CHM: variants seen among roughly 807,000 people sequenced by gnomAD.
The protein encoded by CHM is rab proteins geranylgeranyltransferase component A 1.
In CHM, 10 loss-of-function variants were observed where a neutral mutation model predicts 49.0. The observed-to-expected ratio is 0.20, with a 90% confidence interval of 0.13 to 0.35. CHM has a LOEUF of 0.35. Among genes scored for constraint, CHM ranks in the 10% least tolerant of loss-of-function variants. The probability of loss-of-function intolerance (pLI) is 1.00; values close to 1 mark genes in which losing one functional copy is unlikely to be tolerated. For missense variants in CHM, 455 were observed against 478.4 expected, an observed-to-expected ratio of 0.95 and a Z score of 0.46; for synonymous variants, 184 against 167.5, an observed-to-expected ratio of 1.10 and a Z score of -0.76.
chrX:85,931,530 GT>G lies in CHM; in HGVS notation c.1167-20193del, dbSNP rs1200808138. On this transcript the variant is annotated intron_variant, in intron 8 of 14. Coordinates refer to ENST00000357749, the MANE Select transcript of CHM (RefSeq NM_000390.4). Reference sequence around the variant, plus strand: ...ACATAAGGAAACACACATATCAGTTGTCAATAAGCCAAATTCCACCTAACAA... The same window carrying G: ...ACATAAGGAAACACACATATCAGTTGCAATAAGCCAAATTCCACCTAACAA... 1.4e-4 allele frequency among the ~76,000 whole-genome samples: 16 copies of G among 111,614 alleles called. No homozygotes were observed. In the East Asian group the frequency reaches 4.5e-3, roughly 31 times the overall value.
chrX:85,964,212 T>C (rs1241817265), intron 4 of CHM, among the ~76,000 whole-genome samples, 160 bp from the exon 5 acceptor site: 1 of 111,473 alleles, frequency 9.0e-6, no homozygotes, highest in African/African-American at 3.3e-5. Context: ...TTGAAAGATA[T>C]AAAGATTTCA....
At chrX:85,978,731 T>C in intron 4 of CHM, 36 bp downstream of exon 4, 1 of 1,163,822 alleles carries the variant, frequency 8.6e-7, no homozygotes, top group East Asian at 3.1e-5. Context: ...GAAAAAGTCA[T>C]TAATTTAGTT....
At chrX:85,874,555 T>A (rs976305154) in intron 13 of CHM, among the ~76,000 whole-genome samples, 1 of 111,514 alleles carries the variant, frequency 9.0e-6, no homozygotes, top group African/African-American at 3.3e-5. Flanking sequence ...AACAGGATTT[T>A]ATTATATTTA....
chrX:85,976,581 A>T (rs753385137), intron 4 of CHM, among the ~76,000 whole-genome samples: 1 of 108,809 alleles, frequency 9.2e-6, no homozygotes, highest in East Asian at 2.9e-4. Flanking sequence ...GAGACCACGC[A>T]CCACTGCACT....
intron 8 of CHM, among the ~76,000 whole-genome samples, chrX:85,933,437 CAG>C (rs1384224239): frequency 9.0e-6 from 1 of 111,193 alleles, no homozygotes; most frequent in Non-Finnish European, 1.9e-5. Context: ...AATTGTAAAA[CAG>C]AGAGGTTAAA....
rs187540214 is a variant in CHM, at chrX:85,880,262, A to T, written c.1511-1199T>A. 1.4e-4 allele frequency among the ~76,000 whole-genome samples: 16 copies of T among 111,633 alleles called. No individual in the cohort carries two copies. In the Admixed American group the frequency reaches 1.5e-3, roughly 11 times the overall value. On this transcript the variant is annotated intron_variant, in intron 12 of 14. Transcript: ENST00000357749. ...CTCATTGGTTCTGGGATACTGTAGG[A>T]TGTATGGTACTAATTATTTCCAAAG...
chrX:85,886,793 G>A (rs1225587141), intron 12 of CHM, among the ~76,000 whole-genome samples: 1 of 108,384 alleles, frequency 9.2e-6, no homozygotes, highest in Non-Finnish European at 1.9e-5. Flanking sequence ...GAATGTCTAT[G>A]AACAGGCCAA....
chrX:85,870,407 G>T (rs963365276), intron 14 of CHM, among the ~76,000 whole-genome samples: 10 of 111,938 alleles, frequency 8.9e-5, no homozygotes, highest in African/African-American at 2.9e-4. Context: ...TTAATAATGG[G>T]CTGTATATCA....
chrX:85,887,436 T>C (rs1318336507), intron 12 of CHM, among the ~76,000 whole-genome samples: 1 of 111,945 alleles, frequency 8.9e-6, no homozygotes, highest in Non-Finnish European at 1.9e-5. Context: ...AAGTCCATTA[T>C]AAACCTCTTT....
chrX:85,871,281 T>C (rs1924046277), intron 14 of CHM, among the ~76,000 whole-genome samples: 1 of 73,924 alleles, frequency 1.4e-5, no homozygotes, highest in Non-Finnish European at 2.3e-5. Flanking sequence ...CACTCCAGCC[T>C]GGGTGACAGA....
chrX:85,913,331 A>AAAAAG (rs1380909257), intron 8 of CHM, among the ~76,000 whole-genome samples: 1 of 80,954 alleles, frequency 1.2e-5, no homozygotes, highest in South Asian at 5.8e-4. Flanking sequence ...AAAAAAAAAA[A>AAAAAG]AAAAGAAAGA....
intron 2 of CHM, among the ~76,000 whole-genome samples, chrX:86,004,504 T>G (rs1325040957): frequency 9.0e-6 from 1 of 111,488 alleles, no homozygotes; most frequent in African/African-American, 3.3e-5. Context: ...GTGTGCTGTA[T>G]TCAGAAGACC....
At chrX:85,961,803 T>C (rs1458528083) in intron 5 of CHM, among the ~76,000 whole-genome samples, 1 of 111,374 alleles carries the variant, frequency 9.0e-6, no homozygotes, top group African/African-American at 3.3e-5. Context: ...GTTTGGTTTT[T>C]ACTTACCATA....
chrX:86,028,284 A>G (rs1933918139), intron 1 of CHM, among the ~76,000 whole-genome samples: 1 of 111,564 alleles, frequency 9.0e-6, no homozygotes, highest in Non-Finnish European at 1.9e-5. Context: ...AAAAAGAACC[A>G]GGACATGAAT....
intron 13 of CHM, among the ~76,000 whole-genome samples, chrX:85,875,621 T>C (rs1471570021): frequency 8.9e-6 from 1 of 111,843 alleles, no homozygotes; most frequent in East Asian, 2.8e-4. Context: ...TGACTGAGTC[T>C]GGATACAGCA....
At chrX:86,003,210 A>C (rs1932783194) in intron 2 of CHM, among the ~76,000 whole-genome samples, 1 of 112,304 alleles carries the variant, frequency 8.9e-6, no homozygotes, top group Non-Finnish European at 1.9e-5. Flanking sequence ...AAGGAATAGC[A>C]CCAACATCAA....
chrX:85,999,562 T>C (rs767272502), intron 2 of CHM, among the ~76,000 whole-genome samples: 93 of 112,094 alleles, frequency 8.3e-4, no homozygotes, highest in Non-Finnish European at 1.2e-3. Context: ...AAGTAGATTT[T>C]GTTCAAGTAT....
At chrX:85,887,069 T>C (rs1925131374) in intron 12 of CHM, among the ~76,000 whole-genome samples, 1 of 108,559 alleles carries the variant, frequency 9.2e-6, no homozygotes, top group Non-Finnish European at 1.9e-5. Context: ...TCAACCTTCC[T>C]GGTGTAAGCC....
intron 2 of CHM, among the ~76,000 whole-genome samples, chrX:86,002,376 GCTT>G (rs1373984635): frequency 9.0e-6 from 1 of 111,044 alleles, no homozygotes; most frequent in Non-Finnish European, 1.9e-5. Context: ...TTTTTTTACA[GCTT>G]CTTATTCTTT....
Sources: allele counts gnomAD v4.1 joint callset (sites outside exome capture counted in the v4.1 genomes callset), GRCh38; gene constraint gnomAD v4.1.1; transcripts MANE v1.5; gene names NCBI Gene and HGNC (gene_info 2026-07-23, HGNC 2026-07-21).